Variants in TNFSF15 observed in about 807,000 individuals in gnomAD.
TNFSF15 encodes the protein TNF superfamily member 15, also known as tumor necrosis factor ligand superfamily member 15.
TNFSF15 carries 15 observed loss-of-function variants against 26.4 expected under a neutral mutation model. The observed-to-expected ratio is 0.57, with a 90% CI of 0.38 to 0.87. The LOEUF is 0.87. Among genes scored for constraint, TNFSF15 ranks in the 40% least tolerant of loss-of-function variants. The pLI, the probability that TNFSF15 is intolerant of heterozygous loss-of-function variation, is 0.00. For synonymous variants in TNFSF15, 116 were observed against 115.0 expected, an observed-to-expected ratio of 1.01 and a Z score of -0.06; for missense variants, 290 against 306.1, an observed-to-expected ratio of 0.95 and a Z score of 0.39.
chr9:114,802,639 G>A (rs538183976), intron 1 of TNFSF15, among the ~76,000 whole-genome samples: 11 of 152,180 alleles, frequency 7.2e-5, no homozygotes, highest in African/African-American at 2.4e-4. Context: ...AATACAGGTA[G>A]CCTTACTCTC....
chr9:114,798,395 G>A (rs1346414599), intron 1 of TNFSF15, among the ~76,000 whole-genome samples: 1 of 150,872 alleles, frequency 6.6e-6, no homozygotes, highest in East Asian at 1.9e-4. Context: ...TATGTTGACT[G>A]GTAATCCCTG....
chr9:114,804,316 T>C (rs1286492941), intron 1 of TNFSF15, among the ~76,000 whole-genome samples: 3 of 152,218 alleles, frequency 2.0e-5, no homozygotes, highest in Non-Finnish European at 1.5e-5. Flanking sequence ...TGACAGTGCA[T>C]GTCTCCATCT....
chr9:114,797,949 A>T (rs530493456), intron 1 of TNFSF15, among the ~76,000 whole-genome samples: 1 of 152,274 alleles, frequency 6.6e-6, no homozygotes, highest in East Asian at 1.9e-4. Context: ...AGATTATCCA[A>T]CTGGCAAAAT....
In TNFSF15 at chr9:114,792,473, T is replaced by C; in HGVS notation, c.254-19A>G. 9 of 1,614,012 alleles carry C rather than the reference T, an allele frequency of 5.6e-6. No homozygotes were observed. The highest frequency in any genetic ancestry group is 7.6e-6 in the Non-Finnish European group (9 of 1,179,956). The stretch of plus-strand genomic sequence containing the variant: ...GGTGCATCTGTAACAAAAGGAGAAA[T>C]GTGCTTTGTATGAGACAAAGGGTGA... On this transcript the variant is annotated intron_variant, in intron 2 of 3. Transcript: ENST00000374045.
chr9:114,793,518 A>G lies in TNFSF15; in HGVS notation c.253+8T>C, dbSNP rs1245456684. The G allele has an allele frequency of 1.9e-6, 3 of 1,613,664 alleles. No individual in the cohort carries two copies. Among genetic ancestry groups the G allele is most frequent in the African/African-American group, 1.3e-5 (1 of 74,920 alleles). ...ACGAGGAAAGGCGTTGAAGATGAGCATACTTACAAACTTGCTGATGTGAAG... is the reference window on the plus strand; with the variant it reads ...ACGAGGAAAGGCGTTGAAGATGAGCGTACTTACAAACTTGCTGATGTGAAG... On this transcript the variant is annotated splice_region_variant and intron_variant, in intron 2 of 3. Coordinates refer to ENST00000374045, the MANE Select transcript of TNFSF15 (RefSeq NM_005118.4).
At chr9:114,804,812 C>T (rs1829796165) in intron 1 of TNFSF15, among the ~76,000 whole-genome samples, 1 of 152,216 alleles carries the variant, frequency 6.6e-6, no homozygotes, top group Non-Finnish European at 1.5e-5. Context: ...CCATGGCTTA[C>T]TTGTGGTGTC....
Position 114,790,327 on chromosome 9 carries a change from G to C in TNFSF15, c.*125C>G, listed in dbSNP as rs1212679838. 1.1e-6 allele frequency: 1 copy of C among 951,756 alleles called. No homozygotes were observed. The highest frequency in any genetic ancestry group is 1.7e-5 in the African/African-American group (1 of 60,574). The allele number at this position is 951,756 out of a possible 1,614,324, so 59.0% of individuals were successfully genotyped here. Reference sequence around the variant, plus strand: ...GGGCCCCAAATTTCATAGCTAAACCGTTGTCCCTGTGGAATGCCCCCTACT... The same window carrying C: ...GGGCCCCAAATTTCATAGCTAAACCCTTGTCCCTGTGGAATGCCCCCTACT... On this transcript the variant is annotated 3_prime_UTR_variant, in exon 4 of 4. Coordinates refer to ENST00000374045, the MANE Select transcript of TNFSF15 (RefSeq NM_005118.4).
chr9:114,797,317 T>A (rs1829684591), intron 1 of TNFSF15, among the ~76,000 whole-genome samples: 1 of 152,200 alleles, frequency 6.6e-6, no homozygotes, highest in African/African-American at 2.4e-5. Context: ...ATAAGTATGG[T>A]CCAGTGTGCC....
chr9:114,790,774 C>T lies in TNFSF15; in HGVS notation c.434G>A (p.Gly145Glu). The T allele has an allele frequency of 1.9e-6, 3 of 1,614,022 alleles. No individual in the cohort carries two copies. Among genetic ancestry groups the T allele is most frequent in the Non-Finnish European group, 2.5e-6 (3 of 1,180,010 alleles). ...GACCTGGGAGTAAATGAAGTAGTCT[C>T]CCGACTCTGGGATCAGCAGGAATTT... ...TNKFLLIPES[G>E]DYFIYSQVTF... Residue 145 changes from glycine (G) to glutamate (E), a missense_variant, in exon 4 of 4, where the codon GGA (glycine) becomes GAA (glutamate). Transcript: ENST00000374045.
At chr9:114,804,978 GA>G (rs1315948921) in intron 1 of TNFSF15, among the ~76,000 whole-genome samples, 1 of 152,158 alleles carries the variant, frequency 6.6e-6, no homozygotes, top group Non-Finnish European at 1.5e-5. Flanking sequence ...GATATTACTG[GA>G]AAGACTCATT....
chr9:114,797,302 G>A (rs887148178), intron 1 of TNFSF15, among the ~76,000 whole-genome samples: 5 of 152,150 alleles, frequency 3.3e-5, no homozygotes, highest in Admixed American at 1.3e-4. Context: ...TTCATATATG[G>A]ATGGATAAGT....
intron 3 of TNFSF15, 124 bp from the exon 4 acceptor site, chr9:114,791,030 C>T (rs1829590027): frequency 3.4e-6 from 3 of 870,478 alleles, no homozygotes; most frequent in Non-Finnish European, 5.3e-6. Flanking sequence ...CTAAAAACTG[C>T]TTTGGGGAGG....
chr9:114,800,960 G>C (rs544463788), intron 1 of TNFSF15, among the ~76,000 whole-genome samples: 70 of 152,296 alleles, frequency 4.6e-4, no homozygotes, highest in Non-Finnish European at 9.6e-4. Flanking sequence ...GGAATAAAAG[G>C]CAGGAGCATT....
At chr9:114,791,181 A>G (rs1442500354) in intron 3 of TNFSF15, 3 of 571,622 alleles carry the variant, frequency 5.2e-6, no homozygotes, top group South Asian at 2.5e-5. Flanking sequence ...CCTGAGACCT[A>G]TGATCCTGGA....
At chr9:114,799,780 T>C (rs548172707) in intron 1 of TNFSF15, among the ~76,000 whole-genome samples, 1 of 152,288 alleles carries the variant, frequency 6.6e-6, no homozygotes, top group East Asian at 1.9e-4. Flanking sequence ...GTTGAGTGGA[T>C]TCTGCCGTTA....
intron 1 of TNFSF15, among the ~76,000 whole-genome samples, chr9:114,805,475 C>T (rs1178358880): frequency 6.6e-6 from 1 of 151,900 alleles, no homozygotes; most frequent in African/African-American, 2.4e-5. Flanking sequence ...TTTTCAATGA[C>T]CGTGTTAGTT....
At chr9:114,793,440 A>T in intron 2 of TNFSF15, 86 bp downstream of exon 2, 2 of 1,479,540 alleles carry the variant, frequency 1.4e-6, no homozygotes, top group South Asian at 1.1e-5. Flanking sequence ...GTACTTAAAG[A>T]CTCATCTCTG....
chr9:114,802,493 C>A (rs972057617), intron 1 of TNFSF15, among the ~76,000 whole-genome samples: 1 of 152,158 alleles, frequency 6.6e-6, no homozygotes, highest in Non-Finnish European at 1.5e-5. Flanking sequence ...CCTCGTGATC[C>A]GCCTGCCTCA....
chr9:114,801,075 G>A (rs1249077013), intron 1 of TNFSF15, among the ~76,000 whole-genome samples: 2 of 152,216 alleles, frequency 1.3e-5, no homozygotes, highest in African/African-American at 4.8e-5. Flanking sequence ...GGGAAGGACA[G>A]GTTGGGCAGT....
Sources: gnomAD v4.1 joint callset for allele counts (sites outside exome capture counted in the v4.1 genomes callset) on GRCh38, gnomAD v4.1.1 for gene constraint, MANE v1.5 for transcripts, NCBI Gene and HGNC (gene_info 2026-07-23, HGNC 2026-07-21) for gene names.